TMEM192: variants seen among roughly 807,000 people sequenced by gnomAD.
TMEM192 encodes transmembrane protein 192.
In TMEM192, 20 loss-of-function variants were observed where a neutral mutation model predicts 26.7. The ratio of observed to expected loss-of-function variants is 0.75; its 90% CI spans 0.53 to 1.09. TMEM192 has a LOEUF of 1.09. TMEM192 is among the 50% of genes least tolerant of loss of function. The pLI is 0.00. For synonymous variants in TMEM192, 124 were observed against 121.0 expected, an observed-to-expected ratio of 1.02 and a Z score of -0.16; for missense variants, 304 against 322.6, an observed-to-expected ratio of 0.94 and a Z score of 0.44.
chr4:165,093,063 CA>C (rs1734804129), intron 3 of TMEM192, among the ~76,000 whole-genome samples: 1 of 146,594 alleles, frequency 6.8e-6, no homozygotes, highest in Admixed American at 6.9e-5. Context: ...GTTTTGTGAA[CA>C]AGATAAATAC....
intron 4 of TMEM192, 92 bp from the exon 5 acceptor site, chr4:165,085,780 G>A (rs911421329): frequency 1.7e-5 from 15 of 884,630 alleles, no homozygotes; most frequent in East Asian, 1.3e-4. Flanking sequence ...TCTTATTAAC[G>A]TCCTTGAGTA....
intron 3 of TMEM192, among the ~76,000 whole-genome samples, chr4:165,100,122 T>G (rs1231203273): frequency 6.6e-6 from 1 of 151,620 alleles, no homozygotes; most frequent in East Asian, 1.9e-4. Flanking sequence ...ATAACAGATT[T>G]CAAATGAAAA....
At chr4:165,091,093 G>T (rs1184461314) in intron 3 of TMEM192, among the ~76,000 whole-genome samples, 1 of 151,528 alleles carries the variant, frequency 6.6e-6, no homozygotes, top group African/African-American at 2.4e-5. Context: ...GTGAAACCCC[G>T]TCCCTACTAA....
intron 1 of TMEM192, 81 bp downstream of exon 1, chr4:165,112,666 C>G: frequency 2.5e-6 from 4 of 1,579,368 alleles, no homozygotes; most frequent in Non-Finnish European, 3.4e-6. Flanking sequence ...TGGCTTCCCT[C>G]TCTGAGTCTC....
rs1734336754 is a variant in TMEM192 at position 165,074,710 on chromosome 4, T to C, written c.*4948A>G. ...CGCCTGCCTCGGCCTCCCAAAGTGC[T>C]GGAATTACCGGTGTGAGCCACTGCG... On this transcript the variant is annotated 3_prime_UTR_variant, in exon 6 of 6. Coordinates refer to ENST00000306480, the MANE Select transcript of TMEM192 (RefSeq NM_001100389.2). The C allele has an allele frequency of 6.6e-6, 1 of 152,040 alleles. No homozygotes were observed. Among genetic ancestry groups the C allele is most frequent in the Non-Finnish European group, 1.5e-5 (1 of 68,052 alleles). 9.4% of individuals were successfully genotyped at this position (152,040 alleles called of 1,614,324 possible).
At position 165,070,844 on chromosome 4, in the gene TMEM192, A is replaced by G. The variant is rs555864701; in HGVS notation, c.*8814T>C. On this transcript the variant is annotated 3_prime_UTR_variant, in exon 6 of 6. Transcript: ENST00000306480. ...TCACTGAAGTTAGTGACATTAATTC[A>G]TCAACGTATATTGAGTGCCTACTTT... 6.6e-6 allele frequency: 1 copy of G among 152,348 alleles called. No homozygotes were observed. The highest frequency in any genetic ancestry group is 6.5e-5 in the Admixed American group (1 of 15,296). The allele number at this position is 152,348 out of a possible 1,614,324, so 9.4% of individuals were successfully genotyped here. A position where few individuals can be genotyped will look rare whatever the true frequency, so the allele number is the denominator to read the frequency against.
In TMEM192 at chr4:165,085,670, T is replaced by A; in HGVS notation, c.593A>T (p.Asn198Ile). ...LIYTVKIRRF[N>I]KAKPEPDILE... is the part of the protein sequence containing the mutation. Reference sequence around the variant, plus strand: ...TATATCAGGCTCTGGTTTAGCTTTATTAAATCTCCGGATTTTCACTAAAAT... The same window carrying A: ...TATATCAGGCTCTGGTTTAGCTTTAATAAATCTCCGGATTTTCACTAAAAT... The change falls in exon 5 of 6, where the codon AAT (asparagine) becomes ATT (isoleucine). Residue 198 changes from asparagine to isoleucine, a missense_variant. By Grantham distance (149) the Asn-to-Ile change is moderately radical (BLOSUM62 -3). Coordinates refer to ENST00000306480, the MANE Select transcript of TMEM192 (RefSeq NM_001100389.2). The A allele has an allele frequency of 6.2e-7, 1 of 1,607,310 alleles. No individual in the cohort carries two copies. The highest frequency in any genetic ancestry group is 8.5e-7 in the Non-Finnish European group (1 of 1,177,422).
chr4:165,086,884 C>T (rs142588363), intron 4 of TMEM192, among the ~76,000 whole-genome samples: 49 of 152,144 alleles, frequency 3.2e-4, no homozygotes, highest in Non-Finnish European at 4.9e-4. Flanking sequence ...GAGGCCGAGG[C>T]GGATAGATGA....
At position 165,112,857 on chromosome 4, in the gene TMEM192, T is replaced by G; in HGVS notation, c.-84A>C. On this transcript the variant is annotated 5_prime_UTR_variant, in exon 1 of 6. Transcript: ENST00000306480. ...GCCTCTGGCCGCGAAACTCGCCACCTTCTGGGACCTGCCAGGCCCCTCCCC... is the reference window on the plus strand; with the variant it reads ...GCCTCTGGCCGCGAAACTCGCCACCGTCTGGGACCTGCCAGGCCCCTCCCC... 6.5e-7 allele frequency: 1 copy of G among 1,536,102 alleles called. No individual in the cohort carries two copies. Among genetic ancestry groups the G allele is most frequent in the Non-Finnish European group, 8.7e-7 (1 of 1,143,604 alleles).
At chr4:165,080,433 A>T (rs1335983135) in intron 5 of TMEM192, among the ~76,000 whole-genome samples, 3 of 152,162 alleles carry the variant, frequency 2.0e-5, no homozygotes, top group Non-Finnish European at 4.4e-5. Context: ...TAGTACTAGG[A>T]ATAGTGATGA....
In TMEM192 at chr4:165,105,114, A is replaced by T. The variant is rs1735134613; in HGVS notation, c.28-2018T>A. On this transcript the variant is annotated intron_variant, in intron 1 of 5. Coordinates refer to ENST00000306480, the MANE Select transcript of TMEM192 (RefSeq NM_001100389.2). ...ATTCTGTGCTTGCCTCTTCTATCAA[A>T]CTATCCTGTGATGGTCTCTTACTTA... Among the ~76,000 whole-genome samples, 2 of 152,034 alleles carry T rather than the reference A, an allele frequency of 1.3e-5. 1 individual carries two copies. The highest frequency in any genetic ancestry group is 1.3e-4 in the Admixed American group (2 of 15,264).
At chr4:165,101,540 G>A (rs12500241) in intron 2 of TMEM192, among the ~76,000 whole-genome samples, 49,517 of 151,748 alleles carry the variant, frequency 0.33, 9,840 homozygotes, top group African/African-American at 0.57. Context: ...CCAATTTTAA[G>A]AAGTTTTTAT....
In TMEM192 at chr4:165,103,069, C is replaced by T. The variant is rs763121274; in HGVS notation, c.55G>A (p.Glu19Lys). 1 of 1,612,512 alleles carries T rather than the reference C, an allele frequency of 6.2e-7. No homozygotes were observed. Among genetic ancestry groups the T allele is most frequent in the Non-Finnish European group, 8.5e-7 (1 of 1,179,352 alleles). The change falls in exon 2 of 6, where the codon GAA becomes AAA. Residue 19 changes from glutamate (E) to lysine (K), a missense_variant. By Grantham distance (56) the Glu-to-Lys change is moderately conservative (BLOSUM62 1). Transcript: ENST00000306480. ...TGGGCATCCAGAAGTGGGTCGTCTT[C>T]AATACTCTGGGTGATATCCAAGGAA... ...DGSLDITQSIEDDPLLDAQLL... is the reference protein window; with the variant it reads ...DGSLDITQSIKDDPLLDAQLL...
intron 3 of TMEM192, among the ~76,000 whole-genome samples, chr4:165,095,791 T>A (rs76632211): frequency 5.3e-5 from 8 of 151,970 alleles, no homozygotes; most frequent in South Asian, 2.1e-4. Context: ...AATTTTTTTT[T>A]AAAAATGGAG....
chr4:165,092,402 G>C (rs964364286), intron 3 of TMEM192, among the ~76,000 whole-genome samples: 1 of 152,074 alleles, frequency 6.6e-6, no homozygotes, highest in East Asian at 1.9e-4. Context: ...GATTACAGGC[G>C]TAAGCCACCG....
chr4:165,071,171 T>C lies in TMEM192; in HGVS notation c.*8487A>G, dbSNP rs1290307302. On this transcript the variant is annotated 3_prime_UTR_variant, in exon 6 of 6. Coordinates refer to ENST00000306480, the MANE Select transcript of TMEM192 (RefSeq NM_001100389.2). Reference sequence around the variant, plus strand: ...AAATTTATAAATTAGGCACAGAGAGTAACAACATTAATAACAAAATAGAAT... The same window carrying C: ...AAATTTATAAATTAGGCACAGAGAGCAACAACATTAATAACAAAATAGAAT... 1 of 151,910 alleles carries C rather than the reference T, an allele frequency of 6.6e-6. No individual in the cohort carries two copies. The highest frequency in any genetic ancestry group is 1.5e-5 in the Non-Finnish European group (1 of 68,016). 9.4% of individuals were successfully genotyped at this position (151,910 alleles called of 1,614,324 possible).
chr4:165,112,799 T>G lies in TMEM192; in HGVS notation c.-26A>C. The G allele has an allele frequency of 3.1e-6, 5 of 1,604,210 alleles. No individual in the cohort carries two copies. Among genetic ancestry groups the G allele is most frequent in the Non-Finnish European group, 3.4e-6 (4 of 1,178,436 alleles). On this transcript the variant is annotated 5_prime_UTR_variant, in exon 1 of 6. Coordinates refer to ENST00000306480, the MANE Select transcript of TMEM192 (RefSeq NM_001100389.2). ...TTCCCGACGCCGGAGGCCGAAGCCC[T>G]GGCCAGCCCGGCCTCTCCACCTGGA...
At chr4:165,088,659 G>A (rs1734682994) in intron 3 of TMEM192, 57 bp from the exon 4 acceptor site, 2 of 1,504,886 alleles carry the variant, frequency 1.3e-6, no homozygotes, top group East Asian at 2.4e-5. Flanking sequence ...TATGGTCTTT[G>A]TCCAATAGAT....
chr4:165,111,330 G>A (rs1735288403), intron 1 of TMEM192, among the ~76,000 whole-genome samples: 3 of 152,128 alleles, frequency 2.0e-5, no homozygotes, highest in African/African-American at 2.4e-5. Flanking sequence ...CTGACCTCAG[G>A]TTATCTGCCT....
Sources: gnomAD v4.1 joint callset for allele counts (sites outside exome capture counted in the v4.1 genomes callset) on GRCh38, gnomAD v4.1.1 for gene constraint, MANE v1.5 for transcripts, NCBI Gene and HGNC (gene_info 2026-07-23, HGNC 2026-07-21) for gene names.